The following MYRF variants were observed in gnomAD, a reference collection of about 807,000 sequenced individuals.
The protein encoded by MYRF is myelin gene regulatory factor.
In MYRF, 16 loss-of-function variants were observed where a neutral mutation model predicts 126.3. The observed-to-expected ratio is 0.13, with a 90% confidence interval of 0.09 to 0.19. The LOEUF is 0.19. Ranked by LOEUF, MYRF falls within the 10% of genes least tolerant of loss-of-function variation. The pLI is 1.00. For synonymous variants in MYRF, 608 were observed against 635.3 expected, an observed-to-expected ratio of 0.96 and a Z score of 0.65; for missense variants, 1,104 against 1,547.0, an observed-to-expected ratio of 0.71 and a Z score of 4.80.
intron 16 of MYRF, 81 bp downstream of exon 16, chr11:61,779,651 C>T: frequency 1.5e-6 from 2 of 1,321,734 alleles, no homozygotes; most frequent in Non-Finnish European, 1.0e-6. Context: ...AGTTCTCCAG[C>T]CTCACTGCCT....
In MYRF at chr11:61,776,693, AG is replaced by A. The variant is rs560015431; in HGVS notation, c.1500-89del. On this transcript the variant is annotated intron_variant, in intron 10 of 26. Coordinates refer to ENST00000278836, the MANE Select transcript of MYRF (RefSeq NM_001127392.3). The surrounding 1 kb of genome is among the most constrained non-coding windows in gnomAD (Gnocchi z 4.3). ...GAGGCTCGGGTTCCTCCTCTGTAGG[AG>A]GGGGTGAGATGAACATGCATCTGGC... 1.6e-5 allele frequency: 16 copies of A among 1,026,632 alleles called. No individual in the cohort carries two copies. The South Asian group carries it at 2.1e-4, about 13-fold the overall frequency. 63.6% of individuals were successfully genotyped at this position (1,026,632 alleles called of 1,614,324 possible).
chr11:61,774,095 A>G lies in MYRF; in HGVS notation c.1244A>G (p.Lys415Arg). The G allele has an allele frequency of 4.3e-6, 7 of 1,613,908 alleles. No individual in the cohort carries two copies. The highest frequency in any genetic ancestry group is 1.3e-5 in the African/African-American group (1 of 75,068). Residue 415 changes from lysine to arginine, a missense_variant, in exon 8 of 27, where the codon AAG becomes AGG. Lys to Arg is a conservative substitution (Grantham distance 26, BLOSUM62 2). Transcript: ENST00000278836. ...TACATCGGCATGCTGGGCGAGCCCA[A>G]GTACGTCAAGACGCCCGAGGGCCTC... ...TVYIGMLGEP[K>R]YVKTPEGLKP...
Position 61,765,901 on chromosome 11 carries a change from A to C in MYRF, c.135-57A>C. On this transcript the variant is annotated intron_variant, in intron 2 of 26. Coordinates refer to ENST00000278836, the MANE Select transcript of MYRF (RefSeq NM_001127392.3). The stretch of plus-strand genomic sequence containing the variant: ...AGTTCCCTGCAGGGAGGGGGCGGCT[A>C]CTTCCCTGCTGGGGCTGGGGTCCTG... 11 of 1,461,344 alleles carry C rather than the reference A, an allele frequency of 7.5e-6. No homozygotes were observed. In the South Asian group the frequency reaches 1.5e-4, roughly 21 times the overall value. 90.5% of individuals were successfully genotyped at this position (1,461,344 alleles called of 1,614,324 possible). A position where few individuals can be genotyped will look rare whatever the true frequency, so the allele number is the denominator to read the frequency against.
rs908468014 is a variant in MYRF, at chr11:61,788,468, G to T, written c.*2325G>T. ...TGTCCCCGAAATGTTCGTTTCTTCT[G>T]AAGTAAATATACATATATAAATAAA... On this transcript the variant is annotated 3_prime_UTR_variant, in exon 27 of 27. Coordinates refer to ENST00000278836, the MANE Select transcript of MYRF (RefSeq NM_001127392.3). 2.0e-5 allele frequency: 3 copies of T among 152,290 alleles called. No individual in the cohort carries two copies. Among genetic ancestry groups the T allele is most frequent in the Admixed American group, 2.0e-4 (3 of 15,272 alleles). 9.4% of individuals were successfully genotyped at this position (152,290 alleles called of 1,614,324 possible).
In MYRF at chr11:61,779,899, A is replaced by G. The variant is rs1162233495; in HGVS notation, c.2305A>G (p.Ile769Val). The G allele has an allele frequency of 1.2e-6, 2 of 1,614,018 alleles. No individual in the cohort carries two copies. Among genetic ancestry groups the G allele is most frequent in the South Asian group, 1.1e-5 (1 of 91,062 alleles). The part of the protein sequence containing the change: ...CISQRFLQGT[I>V]IALVVVMAFS... Reference sequence around the variant, plus strand: ...CAGCCAGCGCTTCCTGCAGGGAACCATCATTGCCCTGGTGGTGGTCATGGC... The same window carrying G: ...CAGCCAGCGCTTCCTGCAGGGAACCGTCATTGCCCTGGTGGTGGTCATGGC... The change falls in exon 17 of 27, where the codon ATC becomes GTC. Residue 769 changes from isoleucine to valine, a missense_variant. Coordinates refer to ENST00000278836, the MANE Select transcript of MYRF (RefSeq NM_001127392.3).
chr11:61,771,548 C>A lies in MYRF; in HGVS notation c.789C>A (p.Pro263=). Residue 263 remains proline, a synonymous_variant, in exon 6 of 27, where the codon CCC becomes CCA. Coordinates refer to ENST00000278836, the MANE Select transcript of MYRF (RefSeq NM_001127392.3). The stretch of plus-strand genomic sequence containing the variant: ...AGAGGAAGCACTCTGAATCCCCCCC[C>A]AGCACCCTCAATGCCCAGATGCTGA... ...SKKRKHSESP[P]STLNAQMLNG... is the part of the protein sequence containing the mutation. 1.2e-6 allele frequency: 2 copies of A among 1,613,836 alleles called. No homozygotes were observed. Among genetic ancestry groups the A allele is most frequent in the African/African-American group, 1.3e-5 (1 of 74,998 alleles).
Position 61,778,703 on chromosome 11 carries a change from G to A in MYRF, c.2013+214G>A, listed in dbSNP as rs2066454765. The A allele has an allele frequency of 1.4e-5, 9 of 659,268 alleles. No homozygotes were observed. Among genetic ancestry groups the A allele is most frequent in the Middle Eastern group, 2.5e-4 (1 of 4,020 alleles). 40.8% of individuals were successfully genotyped at this position (659,268 alleles called of 1,614,324 possible). ...TAGGGATTTGGCCCCTGGAGCCTGT[G>A]TGATCAAGGGCAAGAGAAACCCTGT... On this transcript the variant is annotated intron_variant, in intron 14 of 26. Transcript: ENST00000278836. The surrounding 1 kb of genome is among the most constrained non-coding windows in gnomAD (Gnocchi z 4.6).
intron 5 of MYRF, among the ~76,000 whole-genome samples, chr11:61,770,808 G>A (rs937524717): frequency 1.6e-4 from 25 of 152,152 alleles, no homozygotes; most frequent in African/African-American, 6.0e-4. Flanking sequence ...CAGATCATGA[G>A]CCAGGGGCAG....
intron 1 of MYRF, among the ~76,000 whole-genome samples, chr11:61,753,509 C>G (rs1266461772): frequency 6.6e-6 from 1 of 152,100 alleles, no homozygotes; most frequent in Admixed American, 6.5e-5. Flanking sequence ...GACATCCCTG[C>G]CACCGGTCAC....
chr11:61,772,455 C>T (rs1470264456), intron 7 of MYRF, among the ~76,000 whole-genome samples: 1 of 152,242 alleles, frequency 6.6e-6, no homozygotes, highest in Non-Finnish European at 1.5e-5. Context: ...CCCAGAAGGC[C>T]AGTGGGCAGG....
intron 19 of MYRF, 40 bp from the exon 20 acceptor site, chr11:61,780,920 C>G (rs745733312): frequency 1.9e-6 from 3 of 1,606,174 alleles, no homozygotes; most frequent in Non-Finnish European, 2.5e-6. Context: ...CCCTCAAGCT[C>G]TCCCAGCCCC....
chr11:61,758,360 C>G (rs2065815878), intron 1 of MYRF, among the ~76,000 whole-genome samples: 1 of 152,190 alleles, frequency 6.6e-6, no homozygotes, highest in South Asian at 2.1e-4. Context: ...ATGGCTGGGG[C>G]AAGGGGATCC....
In MYRF at chr11:61,757,468, G is replaced by T. The variant is rs1420996474; in HGVS notation, c.46+4678G>T. On this transcript the variant is annotated intron_variant, in intron 1 of 26. Transcript: ENST00000278836. The surrounding 1 kb of genome is among the most constrained non-coding windows in gnomAD (Gnocchi z 4.7). ...CCTGGTGAACACTCCATTGGTCCAT[G>T]GCAGGTGTTCTGCGCCCTACCTTGA... 2.2e-6 allele frequency: 1 copy of T among 456,196 alleles called. No homozygotes were observed. The highest frequency in any genetic ancestry group is 6.9e-5 in the East Asian group (1 of 14,466). 28.3% of individuals were successfully genotyped at this position (456,196 alleles called of 1,614,324 possible). A position where few individuals can be genotyped will look rare whatever the true frequency, so the allele number is the denominator to read the frequency against.
At position 61,785,830 on chromosome 11, in the gene MYRF, C is replaced by T. The variant is rs1255901737; in HGVS notation, c.3331C>T (p.Leu1111=). The T allele has an allele frequency of 6.2e-7, 1 of 1,614,166 alleles. No homozygotes were observed. Among genetic ancestry groups the T allele is most frequent in the Non-Finnish European group, 8.5e-7 (1 of 1,180,016 alleles). ...GTSHRWPITI[L]SFREFTYHFR... ...CTCTCACCGGTGGCCAATAACCATC[C>T]TGTCCTTCCGTGAATTCACCTACCA... The change falls in exon 26 of 27, where the codon CTG becomes TTG. Residue 1111 remains leucine, a synonymous_variant. Transcript: ENST00000278836.
intron 25 of MYRF, chr11:61,784,644 T>G: frequency 4.3e-6 from 2 of 470,254 alleles, no homozygotes; most frequent in South Asian, 4.8e-5. Flanking sequence ...CAGGTGCTAA[T>G]GTGGATGAGT....
At chr11:61,769,378 G>C in intron 4 of MYRF, 57 bp downstream of exon 4, 1 of 1,404,852 alleles carries the variant, frequency 7.1e-7, no homozygotes, top group Non-Finnish European at 9.9e-7. Flanking sequence ...AGTTGGGGCG[G>C]CCTTATCAGG....
In MYRF at chr11:61,778,260, T is replaced by C. The variant is rs1030597841; in HGVS notation, c.1904-120T>C. The C allele has an allele frequency of 9.7e-5, 71 of 733,924 alleles. No individual in the cohort carries two copies. The highest frequency in any genetic ancestry group is 2.0e-5 in the Non-Finnish European group (8 of 409,448). The allele number at this position is 733,924 out of a possible 1,614,324, so 45.5% of individuals were successfully genotyped here. A position where few individuals can be genotyped will look rare whatever the true frequency, so the allele number is the denominator to read the frequency against. ...CTCCCTGCTCCAGGGCTCCTTGGAA[T>C]CCAAATCTCTGGGTTCCAGAACTTC... On this transcript the variant is annotated intron_variant, in intron 13 of 26. Coordinates refer to ENST00000278836, the MANE Select transcript of MYRF (RefSeq NM_001127392.3). This position sits in a 1 kb window ranked among gnomAD's most constrained non-coding sequence, Gnocchi z 4.6.
chr11:61,773,828 G>T, intron 7 of MYRF, 139 bp from the exon 8 acceptor site: 1 of 674,282 alleles, frequency 1.5e-6, no homozygotes, highest in Non-Finnish European at 2.5e-6. Flanking sequence ...TTTCTCAGGA[G>T]TGGGGGCAGC....
At chr11:61,763,713 A>C (rs1309108357) in intron 1 of MYRF, among the ~76,000 whole-genome samples, 1 of 152,004 alleles carries the variant, frequency 6.6e-6, no homozygotes, top group Non-Finnish European at 1.5e-5. Flanking sequence ...AAAATACAAA[A>C]AATTAGCCGT....
Sources: gnomAD v4.1 joint callset for allele counts (sites outside exome capture counted in the v4.1 genomes callset) on GRCh38, gnomAD v4.1.1 for gene constraint, Gnocchi (gnomAD v3.1) non-coding constraint, MANE v1.5 for transcripts, NCBI Gene and HGNC (gene_info 2026-07-23, HGNC 2026-07-21) for gene names.